The following FUT8 variants were observed in gnomAD, a reference collection of about 807,000 sequenced individuals.
FUT8 encodes the protein alpha-(1,6)-fucosyltransferase.
A neutral mutation model predicts 71.3 loss-of-function variants in FUT8; 29 were observed. That is an observed-to-expected ratio of 0.41 (90% CI 0.30 to 0.55). The LOEUF (loss-of-function observed/expected upper bound fraction) is 0.55, where lower values mean the gene tolerates loss of function less well. FUT8 is among the 20% of genes least tolerant of loss of function. FUT8 has a pLI of 0.34. For synonymous variants in FUT8, 254 were observed against 239.3 expected (o/e 1.06, Z -0.57); for missense variants, 544 against 702.1 (o/e 0.77, Z 2.55).
At position 65,627,607 on chromosome 14, in the gene FUT8, C is replaced by T. The variant is rs969432000; in HGVS notation, c.483-1885C>T. Among the ~76,000 whole-genome samples the T allele has an allele frequency of 1.3e-5, 2 of 152,296 alleles. No individual in the cohort carries two copies. The highest frequency in any genetic ancestry group is 6.5e-5 in the Admixed American group (1 of 15,302). On this transcript the variant is annotated intron_variant, in intron 5 of 10. Coordinates refer to ENST00000673929, the MANE Select transcript of FUT8 (RefSeq NM_001371533.1). The surrounding 1 kb of genome is among the most constrained non-coding windows in gnomAD (Gnocchi z 4.0). ...TGGCCTGCCAGCACTTGGGAGGGAT[C>T]GCATATGCAGTGTGTTTACTGAAGT...
At chr14:65,705,087 T>C (rs1302906197) in intron 7 of FUT8, among the ~76,000 whole-genome samples, 1 of 152,208 alleles carries the variant, frequency 6.6e-6, no homozygotes, top group African/African-American at 2.4e-5. Flanking sequence ...ATTTAGAACT[T>C]TTTATTCAAT....
intron 10 of FUT8, among the ~76,000 whole-genome samples, chr14:65,738,236 C>G (rs1896320272): frequency 6.6e-6 from 1 of 152,074 alleles, no homozygotes; most frequent in Non-Finnish European, 1.5e-5. Flanking sequence ...AAGCAGATTA[C>G]AGGAAAAGTG....
chr14:65,709,107 A>G (rs1894695420), intron 7 of FUT8, among the ~76,000 whole-genome samples: 1 of 152,160 alleles, frequency 6.6e-6, no homozygotes, highest in South Asian at 2.1e-4. Flanking sequence ...ACCACATTGA[A>G]CCCCATAAAA....
At chr14:65,381,760 A>G in the FUT8 span, among the ~76,000 whole-genome samples, 2 of 152,206 alleles carry the variant, frequency 1.3e-5, no homozygotes, top group Non-Finnish European at 2.9e-5. Context: ...ATGTTCTTCC[A>G]ATAACTTCTT....
At chr14:65,691,156 T>A (rs1893565925) in intron 7 of FUT8, among the ~76,000 whole-genome samples, 1 of 151,280 alleles carries the variant, frequency 6.6e-6, no homozygotes, top group Non-Finnish European at 1.5e-5. Flanking sequence ...CTCTTGGGAT[T>A]TCCTACATAA....
intron 3 of FUT8, among the ~76,000 whole-genome samples, chr14:65,565,915 A>G (rs1278018777): frequency 1.3e-5 from 2 of 151,682 alleles, no homozygotes; most frequent in African/African-American, 2.4e-5. Context: ...TAAAAAACAT[A>G]TAAACACAAA....
In FUT8 at chr14:65,472,120, C is replaced by T. The variant is rs1295807473; in HGVS notation, c.-228+16402C>T. The stretch of plus-strand genomic sequence containing the variant: ...TTTATAAAGAGTTTGATTTACCGCA[C>T]AGTTCTGCAGGCTGTACAAGAAGTA... On this transcript the variant is annotated intron_variant, in intron 2 of 10. Coordinates refer to ENST00000673929, the MANE Select transcript of FUT8 (RefSeq NM_001371533.1). This position sits in a 1 kb window ranked among gnomAD's most constrained non-coding sequence, Gnocchi z 4.4. Among the ~76,000 whole-genome samples the T allele has an allele frequency of 1.3e-5, 2 of 152,132 alleles. No homozygotes were observed. Among genetic ancestry groups the T allele is most frequent in the Non-Finnish European group, 2.9e-5 (2 of 68,036 alleles).
At chr14:65,632,966 A>C (rs1443325843) in intron 6 of FUT8, among the ~76,000 whole-genome samples, 3 of 150,328 alleles carry the variant, frequency 2.0e-5, no homozygotes, top group African/African-American at 5.0e-5. Context: ...CCATTTGTTG[A>C]AAAGGGTGTC....
chr14:65,546,427 A>T (rs1884989124), intron 2 of FUT8, among the ~76,000 whole-genome samples: 1 of 151,284 alleles, frequency 6.6e-6, no homozygotes, highest in Non-Finnish European at 1.5e-5. Flanking sequence ...TACAGTGTGT[A>T]TTTTTTTTGT....
chr14:65,475,182 C>T (rs182088519), intron 2 of FUT8, among the ~76,000 whole-genome samples: 15 of 152,150 alleles, frequency 9.9e-5, no homozygotes, highest in Admixed American at 1.3e-4. Flanking sequence ...AAAATGATAA[C>T]GACCCTGCCT....
chr14:65,741,045 T>G (rs1295219235), intron 10 of FUT8, among the ~76,000 whole-genome samples: 1 of 152,008 alleles, frequency 6.6e-6, no homozygotes, highest in African/African-American at 2.4e-5. Context: ...TAACTGGAGA[T>G]TTAGGAAAAT....
chr14:65,369,176 C>T, the FUT8 span, among the ~76,000 whole-genome samples: 1 of 152,062 alleles, frequency 6.6e-6, no homozygotes, highest in Non-Finnish European at 1.5e-5. The surrounding 1 kb of genome is among the most constrained non-coding windows in gnomAD (Gnocchi z 4.6). Flanking sequence ...CCCTGTGGGG[C>T]AGTTAAGCCT....
intron 6 of FUT8, among the ~76,000 whole-genome samples, chr14:65,667,816 A>G (rs1020099055): frequency 6.6e-6 from 1 of 152,138 alleles, no homozygotes; most frequent in African/African-American, 2.4e-5. Context: ...ACCAAACACC[A>G]TGGTACCCAT....
chr14:65,616,147 T>C (rs1889273394), intron 4 of FUT8, 54 bp downstream of exon 4: 11 of 1,593,954 alleles, frequency 6.9e-6, no homozygotes, highest in Non-Finnish European at 9.4e-6. Flanking sequence ...TTAGCACAGA[T>C]AATTGAAAGT....
At chr14:65,546,259 T>C (rs1189883521) in intron 2 of FUT8, among the ~76,000 whole-genome samples, 1 of 151,806 alleles carries the variant, frequency 6.6e-6, no homozygotes, top group Non-Finnish European at 1.5e-5. Context: ...TCTGTTAGTT[T>C]CTTTGTTGTA....
At chr14:65,549,048 C>A (rs1885136451) in intron 2 of FUT8, among the ~76,000 whole-genome samples, 2 of 152,166 alleles carry the variant, frequency 1.3e-5, no homozygotes, top group African/African-American at 4.8e-5. Flanking sequence ...TACACAGCTA[C>A]CAGAATTGCC....
intron 2 of FUT8, among the ~76,000 whole-genome samples, chr14:65,507,824 G>A (rs1566791187): frequency 6.6e-6 from 1 of 152,256 alleles, no homozygotes; most frequent in East Asian, 1.9e-4. Context: ...ACCTAGCAGT[G>A]GGATTGCTAG....
At chr14:65,432,393 C>CT (rs5809274) in intron 1 of FUT8, among the ~76,000 whole-genome samples, 1,618 of 144,324 alleles carry the variant, frequency 0.011, 33 homozygotes, top group African/African-American at 0.037. Flanking sequence ...TTCTACTTTC[C>CT]TTTTTTTTTT....
At chr14:65,500,937 T>G (rs1187343745) in intron 2 of FUT8, among the ~76,000 whole-genome samples, 1 of 152,238 alleles carries the variant, frequency 6.6e-6, no homozygotes, top group Non-Finnish European at 1.5e-5. Flanking sequence ...AGGTTATGCT[T>G]CTTCTTTCTT....
Sources: gnomAD v4.1 joint callset for allele counts (sites outside exome capture counted in the v4.1 genomes callset) on GRCh38, gnomAD v4.1.1 for gene constraint, Gnocchi (gnomAD v3.1) non-coding constraint, MANE v1.5 for transcripts, NCBI Gene and HGNC (gene_info 2026-07-23, HGNC 2026-07-21) for gene names.